The following ZNF718 variants were observed in gnomAD, a reference collection of about 807,000 sequenced individuals.
ZNF718 encodes the protein zinc finger protein 718.
In ZNF718, 3 loss-of-function variants were observed where a neutral mutation model predicts 2.6. The observed-to-expected ratio is 1.16, with a 90% CI of 0.53 to 3.01. The LOEUF (loss-of-function observed/expected upper bound fraction) is 3.01. Ranked by LOEUF, ZNF718 falls within the 30% of genes most tolerant of loss-of-function variation. ZNF718 has a pLI of 0.03. For missense variants in ZNF718, 468 were observed against 230.0 expected (o/e 2.03, Z -6.69); for synonymous variants, 135 against 77.9 (o/e 1.73, Z -3.86).
intron 3 of ZNF718, among the ~76,000 whole-genome samples, chr4:148,384 G>A (rs1359896082): frequency 3.3e-5 from 5 of 151,996 alleles, no homozygotes; most frequent in South Asian, 2.1e-4. Context: ...CAAGGTGGGC[G>A]GACCACCTGA....
At chr4:195,085 G>C (rs1032728930) in intron 3 of ZNF718, among the ~76,000 whole-genome samples, 1 of 152,188 alleles carries the variant, frequency 6.6e-6, no homozygotes, top group Admixed American at 6.5e-5. Context: ...GTGCTCAGGG[G>C]TGAGTCCTAG....
intron 3 of ZNF718, among the ~76,000 whole-genome samples, chr4:147,557 C>G (rs1001575834): frequency 6.6e-6 from 1 of 151,886 alleles, no homozygotes; most frequent in African/African-American, 2.4e-5. Context: ...TCTGAGAACA[C>G]CAAACTTTCT....
downstream of ZNF718, among the ~76,000 whole-genome samples, chr4:166,384 C>G (rs1385879569): frequency 2.0e-5 from 3 of 152,152 alleles, no homozygotes; most frequent in Non-Finnish European, 4.4e-5. Context: ...ATGGCTGGGT[C>G]AAATGGTATT....
chr4:168,767 T>C (rs539600456), downstream of ZNF718, among the ~76,000 whole-genome samples: 12 of 152,212 alleles, frequency 7.9e-5, no homozygotes, highest in East Asian at 7.7e-4. Flanking sequence ...GTCTTGCTAG[T>C]GGTCTATCAA....
rs1715263571 is a variant in ZNF718 at position 127,296 on chromosome 4, A to G, written c.3+2623A>G. ...AAGGTGCTCCCCAAATCTGCAAACAAAATAGTCTCTCTATTTGGGATCTAC... is the reference window on the plus strand; with the variant it reads ...AAGGTGCTCCCCAAATCTGCAAACAGAATAGTCTCTCTATTTGGGATCTAC... On this transcript the variant is annotated intron_variant, in intron 1 of 3. Coordinates refer to ENST00000510175, the MANE Select transcript of ZNF718 (RefSeq NM_001039127.6). Among the ~76,000 whole-genome samples the G allele has an allele frequency of 2.9e-5, 3 of 104,610 alleles. 1 individual carries two copies. The highest frequency in any genetic ancestry group is 6.4e-5 in the Non-Finnish European group (3 of 46,838). The allele number at this position is 104,610 out of a possible 152,430, so 68.6% of individuals were successfully genotyped here. A position where few individuals can be genotyped will look rare whatever the true frequency, so the allele number is the denominator to read the frequency against.
At chr4:175,921 A>G (rs1344337780) in intron 3 of ZNF718, among the ~76,000 whole-genome samples, 1 of 131,674 alleles carries the variant, frequency 7.6e-6, no homozygotes, top group Admixed American at 9.5e-5. Context: ...CAGTGGCGCT[A>G]TCTCGGCTCA....
intron 3 of ZNF718, among the ~76,000 whole-genome samples, chr4:180,032 G>A (rs1252682773): frequency 6.6e-6 from 1 of 151,998 alleles, no homozygotes; most frequent in East Asian, 1.9e-4. Context: ...AAGAAAGGAA[G>A]CAGAGAAAAA....
At chr4:134,413 G>A (rs182067692) in intron 3 of ZNF718, among the ~76,000 whole-genome samples, 7 of 152,232 alleles carry the variant, frequency 4.6e-5, no homozygotes, top group African/African-American at 1.7e-4. Flanking sequence ...AAAGTGCTGG[G>A]GATTACAGGC....
At chr4:129,500 G>C (rs1715302892) in intron 1 of ZNF718, among the ~76,000 whole-genome samples, 1 of 104,196 alleles carries the variant, frequency 9.6e-6, no homozygotes. Context: ...TGCCTCTCCA[G>C]AGCTGGTGCT....
intron 3 of ZNF718, among the ~76,000 whole-genome samples, chr4:194,409 T>C (rs1190309367): frequency 6.6e-6 from 1 of 152,210 alleles, no homozygotes; most frequent in Non-Finnish European, 1.5e-5. Context: ...AGTAAATGTC[T>C]GTGGCACCAA....
intron 3 of ZNF718, among the ~76,000 whole-genome samples, chr4:146,010 A>G (rs59356669): frequency 0.016 from 2,474 of 151,260 alleles, 77 homozygotes; most frequent in African/African-American, 0.056. Flanking sequence ...ATGTGTTTTA[A>G]TGCTTTTTTT....
chr4:157,051 T>C (rs1716597473), intron 3 of ZNF718, among the ~76,000 whole-genome samples: 2 of 151,956 alleles, frequency 1.3e-5, no homozygotes, highest in South Asian at 4.2e-4. Context: ...GGAGCTGTGA[T>C]GCCTCCAACA....
chr4:153,100 G>A (rs1297497356), intron 3 of ZNF718, among the ~76,000 whole-genome samples: 1 of 151,812 alleles, frequency 6.6e-6, no homozygotes, highest in African/African-American at 2.4e-5. Context: ...AAAAGAGGTA[G>A]GGGCCTAGGT....
intron 1 of ZNF718, chr4:125,266 T>A (rs1195183422): frequency 3.9e-5 from 6 of 153,204 alleles, no homozygotes; most frequent in African/African-American, 1.4e-4. Context: ...AATACGCTGG[T>A]GTCGGTGCGC....
intron 3 of ZNF718, among the ~76,000 whole-genome samples, chr4:197,268 T>G (rs1455342720): frequency 1.3e-5 from 2 of 151,996 alleles, no homozygotes; most frequent in Admixed American, 6.5e-5. Context: ...TTCCATTGCT[T>G]CTTTGATCTT....
chr4:187,804 A>T (rs148340962), intron 3 of ZNF718, among the ~76,000 whole-genome samples: 1 of 152,130 alleles, frequency 6.6e-6, no homozygotes, highest in Admixed American at 6.5e-5. Context: ...TCAGCCCCCA[A>T]TTGGCTTGGG....
intron 3 of ZNF718, among the ~76,000 whole-genome samples, chr4:178,465 A>G (rs1717393800): frequency 6.6e-6 from 1 of 151,578 alleles, no homozygotes; most frequent in African/African-American, 2.4e-5. Context: ...ATCTTGGGAA[A>G]CCTCTATCCT....
chr4:194,622 C>G (rs1472868385), intron 3 of ZNF718, among the ~76,000 whole-genome samples: 3 of 152,256 alleles, frequency 2.0e-5, no homozygotes, highest in Non-Finnish European at 2.9e-5. Context: ...AGCATTATAT[C>G]TCTCCATGTC....
At chr4:132,024 G>T (rs1372353178) in intron 3 of ZNF718, among the ~76,000 whole-genome samples, 2 of 93,220 alleles carry the variant, frequency 2.1e-5, no homozygotes, top group Non-Finnish European at 4.6e-5. Context: ...CAGCCTGAGC[G>T]ACAGAGCGAG....
Sources: gnomAD v4.1 joint callset for allele counts (sites outside exome capture counted in the v4.1 genomes callset) on GRCh38, gnomAD v4.1.1 for gene constraint, MANE v1.5 for transcripts, NCBI Gene and HGNC (gene_info 2026-07-23, HGNC 2026-07-21) for gene names.